Variants in SLC19A1 observed in about 807,000 individuals in gnomAD.
SLC19A1 encodes the protein solute carrier family 19 member 1.
In SLC19A1, 37 loss-of-function variants were observed where a neutral mutation model predicts 35.3. That is an observed-to-expected ratio of 1.05 (90% CI 0.81 to 1.38). The LOEUF is 1.38. SLC19A1 is among the 40% of genes most tolerant of loss of function. SLC19A1 has a pLI of 0.00. For missense variants in SLC19A1, 831 were observed against 826.9 expected (o/e 1.00, Z -0.06); for synonymous variants, 460 against 398.5 (o/e 1.15, Z -1.84).
rs2078027847 is a variant in SLC19A1, at chr21:45,534,124, G to A, written c.190-1976C>T. ...GGGACACTCTGAGGGCAGGTTATGT[G>A]CCAGGAGGCTGAGTGAGCCCGCCGG... On this transcript the variant is annotated intron_variant, in intron 2 of 5. Coordinates refer to ENST00000311124, the MANE Select transcript of SLC19A1 (RefSeq NM_194255.4). This position sits in a 1 kb window ranked among gnomAD's most constrained non-coding sequence, Gnocchi z 4.2. Among the ~76,000 whole-genome samples the A allele has an allele frequency of 6.6e-6, 1 of 152,196 alleles. No homozygotes were observed. The highest frequency in any genetic ancestry group is 6.5e-5 in the Admixed American group (1 of 15,290).
At chr21:45,512,214 C>T (rs750175097), downstream of SLC19A1, 4 of 1,612,400 alleles carry the variant, frequency 2.5e-6, no homozygotes, top group Non-Finnish European at 8.5e-7. Context: ...TGGCATGGCT[C>T]GGACCCCAAC....
At chr21:45,521,583 T>C (rs988585017) in intron 5 of SLC19A1, among the ~76,000 whole-genome samples, 5 of 152,056 alleles carry the variant, frequency 3.3e-5, no homozygotes, top group Non-Finnish European at 7.4e-5. Flanking sequence ...TAAAAAGAAG[T>C]TGGAGGAATC....
At chr21:45,555,578 C>A (rs1211226777) in intron 1 of SLC19A1, among the ~76,000 whole-genome samples, 1 of 149,674 alleles carries the variant, frequency 6.7e-6, no homozygotes, top group Non-Finnish European at 1.5e-5. Flanking sequence ...CTTGCGTGGC[C>A]CCGCGCGGGG....
downstream of SLC19A1, chr21:45,510,265 G>A (rs1043880203): frequency 1.9e-6 from 3 of 1,600,778 alleles, no homozygotes; most frequent in African/African-American, 1.3e-5. Context: ...CCTCAAGGTG[G>A]GTCAGTCCAG....
intron 1 of SLC19A1, among the ~76,000 whole-genome samples, chr21:45,553,047 TAA>T (rs1305070714): frequency 1.1e-3 from 166 of 152,108 alleles, no homozygotes; most frequent in African/African-American, 3.7e-3. Flanking sequence ...CAGATTCCAC[TAA>T]AACAAGACTC....
intron 3 of SLC19A1, chr21:45,505,402 C>A (rs1370299892): frequency 1.3e-6 from 2 of 1,577,980 alleles, no homozygotes; most frequent in Non-Finnish European, 1.7e-6. Context: ...GCCCCCTGGG[C>A]CCCCTGGAAC....
At chr21:45,546,793 G>A (rs560012699), upstream of SLC19A1, among the ~76,000 whole-genome samples, 31 of 152,368 alleles carry the variant, frequency 2.0e-4, no homozygotes, top group African/African-American at 7.2e-4. Flanking sequence ...CTGCCCACAG[G>A]TGGAGTGATG....
At chr21:45,556,618 A>G (rs181944431) in intron 1 of SLC19A1, among the ~76,000 whole-genome samples, 7 of 152,396 alleles carry the variant, frequency 4.6e-5, no homozygotes, top group Admixed American at 2.0e-4. Flanking sequence ...GAAACCAGTC[A>G]GTGACACACC....
At position 45,512,575 on chromosome 21, in the gene SLC19A1, TA is replaced by T; in HGVS notation, c.*3082del. 1.5e-6 allele frequency: 1 copy of T among 658,894 alleles called. No individual in the cohort carries two copies. Among genetic ancestry groups the T allele is most frequent in the Non-Finnish European group, 2.6e-6 (1 of 387,052 alleles). 40.8% of individuals were successfully genotyped at this position (658,894 alleles called of 1,614,324 possible). A position where few individuals can be genotyped will look rare whatever the true frequency, so the allele number is the denominator to read the frequency against. ...AAGGAAGCCAAAGAGTGTATTTTTT[TA>T]AAAGTTTAAAACAGAAGCCTGATGC... On this transcript the variant is annotated 3_prime_UTR_variant, in exon 6 of 6. Coordinates refer to ENST00000311124, the MANE Select transcript of SLC19A1 (RefSeq NM_194255.4).
rs539694814 is a variant in SLC19A1 at position 45,531,432 on chromosome 21, C to T, written c.906G>A (p.Ala302=). Residue 302 remains alanine (A), a synonymous_variant, in exon 3 of 6, where the codon GCG becomes GCA. Transcript: ENST00000311124. The part of the protein sequence containing the change: ...WNEVDPTTNS[A]RVYNGAADAA... ...CATCTGCCGCGCCGTTGTAGACCCG[C>T]GCACTGTTGGTGGTGGGGTCCACCT... The T allele has an allele frequency of 5.0e-6, 8 of 1,609,340 alleles. No homozygotes were observed. Among genetic ancestry groups the T allele is most frequent in the Non-Finnish European group, 6.8e-6 (8 of 1,177,964 alleles).
At chr21:45,504,195 G>A (rs977239878) in intron 3 of SLC19A1, 49 of 1,038,384 alleles carry the variant, frequency 4.7e-5, no homozygotes, top group Middle Eastern at 2.9e-4. Context: ...AGAGGGTGTC[G>A]AGGGCGTCCC....
downstream of SLC19A1, chr21:45,512,517 T>C (rs2037671741): frequency 3.5e-6 from 3 of 869,006 alleles, no homozygotes; most frequent in East Asian, 2.6e-5. Flanking sequence ...CTTTCCTGTA[T>C]AGTTCACGTT....
At chr21:45,507,397 T>A in intron 3 of SLC19A1, 1 of 524,160 alleles carries the variant, frequency 1.9e-6, no homozygotes, top group Admixed American at 2.8e-5. Flanking sequence ...GCAGGGAGCG[T>A]ACCCTGGCAC....
chr21:45,503,678 C>T (rs1010318632), intron 3 of SLC19A1, among the ~76,000 whole-genome samples: 2 of 150,686 alleles, frequency 1.3e-5, no homozygotes, highest in Non-Finnish European at 1.5e-5. Context: ...GGAGATATAC[C>T]TAATGCTAGA....
At chr21:45,511,057 C>T (rs879003828), downstream of SLC19A1, 4 of 675,506 alleles carry the variant, frequency 5.9e-6, no homozygotes, top group Admixed American at 2.4e-5. Flanking sequence ...CAAACACCCA[C>T]ACCCATCCAC....
rs2053611451 is a variant in SLC19A1, at chr21:45,517,126, G to A, written c.1294-986C>T. On this transcript the variant is annotated intron_variant, in intron 5 of 5. Transcript: ENST00000311124. This position sits in a 1 kb window ranked among gnomAD's most constrained non-coding sequence, Gnocchi z 4.4. ...GAGCTGTGCCACGCAAGGACAGACT[G>A]TGCCACGCAGAGCTCCCTGGGGGCT... Among the ~76,000 whole-genome samples, 1 of 152,212 alleles carries A rather than the reference G, an allele frequency of 6.6e-6. No homozygotes were observed. Among genetic ancestry groups the A allele is most frequent in the Admixed American group, 6.5e-5 (1 of 15,292 alleles).
chr21:45,560,536 C>CCCCGCT (rs2078605675), intron 1 of SLC19A1, among the ~76,000 whole-genome samples: 55 of 150,822 alleles, frequency 3.6e-4, no homozygotes, highest in African/African-American at 6.0e-4. Flanking sequence ...GCACTGGCAC[C>CCCCGCT]ATGGTAGGAA....
chr21:45,504,515 CCCCCA>C (rs752450928), intron 3 of SLC19A1: 124 of 12,968 alleles, frequency 9.6e-3, no homozygotes, highest in Admixed American at 0.019. Flanking sequence ...CCCCCCCGGC[CCCCCA>C]GGCCCCCCAG....
intron 3 of SLC19A1, chr21:45,505,989 T>C: frequency 6.2e-7 from 1 of 1,612,832 alleles, no homozygotes; most frequent in Admixed American, 1.7e-5. Flanking sequence ...TGTGACGGGT[T>C]CTGGACCCGT....
Sources: allele counts gnomAD v4.1 joint callset (sites outside exome capture counted in the v4.1 genomes callset), GRCh38; gene constraint gnomAD v4.1.1; non-coding constraint Gnocchi (gnomAD v3.1); transcripts MANE v1.5; gene names NCBI Gene and HGNC (gene_info 2026-07-23, HGNC 2026-07-21).